DIAPH1: variants seen among roughly 807,000 people sequenced by gnomAD.
DIAPH1 encodes protein diaphanous homolog 1.
Under a neutral mutation model 140.7 loss-of-function variants are expected in DIAPH1, and 46 were observed. The ratio of observed to expected loss-of-function variants is 0.33; its 90% CI spans 0.26 to 0.42. The LOEUF is 0.42. DIAPH1 is among the 10% of genes least tolerant of loss of function. The probability of loss-of-function intolerance (pLI) is 1.00; values close to 1 mark genes in which losing one functional copy is unlikely to be tolerated. For missense variants in DIAPH1, 1,310 were observed against 1,558.7 expected (o/e 0.84, Z 2.69); for synonymous variants, 565 against 551.6 (o/e 1.02, Z -0.34).
intron 1 of DIAPH1, among the ~76,000 whole-genome samples, chr5:141,599,742 T>G (rs1347659095): frequency 6.6e-6 from 1 of 152,206 alleles, no homozygotes; most frequent in Non-Finnish European, 1.5e-5. Flanking sequence ...ATGTTTAATG[T>G]GATAGGTGGA....
Position 141,521,426 on chromosome 5 carries a change from C to G in DIAPH1, c.3661+2717G>C, listed in dbSNP as rs78329967. On this transcript the variant is annotated intron_variant, in intron 27 of 27. Transcript: ENST00000389054. ...CAATCACATGGATTCTTCCCCTTGA[C>G]ACTCCAACCATTGTTCTCCCACACC... Among the ~76,000 whole-genome samples the G allele has an allele frequency of 3.8e-3, 585 of 152,292 alleles. 3 individuals carry two copies. Among genetic ancestry groups the G allele is most frequent in the African/African-American group, 0.013 (529 of 41,560 alleles).
rs2099887600 is a variant in DIAPH1 at position 141,527,723 on chromosome 5, C to CAGA, written c.3149-27_3149-26insTCT. ...CTAAAAAAAAAAAAAAAAAAAAAAACCATAAAAACAGACAGCAAGAGCTTA... is the reference window on the plus strand; with the variant it reads ...CTAAAAAAAAAAAAAAAAAAAAAAACAGACATAAAAACAGACAGCAAGAGCTTA... On this transcript the variant is annotated intron_variant, in intron 23 of 27. Coordinates refer to ENST00000389054, the MANE Select transcript of DIAPH1 (RefSeq NM_005219.5). 13 of 1,203,274 alleles carry CAGA rather than the reference C, an allele frequency of 1.1e-5. No homozygotes were observed. The South Asian group carries it at 1.8e-4, about 16-fold the overall frequency. The allele number at this position is 1,203,274 out of a possible 1,614,324, so 74.5% of individuals were successfully genotyped here. A position where few individuals can be genotyped will look rare whatever the true frequency, so the allele number is the denominator to read the frequency against.
intron 18 of DIAPH1, among the ~76,000 whole-genome samples, chr5:141,547,208 G>C (rs774797934): frequency 6.6e-6 from 1 of 152,212 alleles, no homozygotes; most frequent in South Asian, 2.1e-4. Context: ...AGCCAGGCGC[G>C]GTAATCCCGC....
chr5:141,582,369 G>A lies in DIAPH1; in HGVS notation c.627C>T (p.Tyr209=), dbSNP rs369494682. 95 of 1,611,160 alleles carry A rather than the reference G, an allele frequency of 5.9e-5. No homozygotes were observed. The highest frequency in any genetic ancestry group is 7.0e-5 in the Non-Finnish European group (83 of 1,177,512). The part of the protein sequence containing the change: ...HDEKEETAGS[Y]DSRNKHEIIR... Reference sequence around the variant, plus strand: ...TGATCTCATGCTTGTTCCGGCTATCGTAACTCCTGTATATAGAAGACATAA... The same window carrying A: ...TGATCTCATGCTTGTTCCGGCTATCATAACTCCTGTATATAGAAGACATAA... The change falls in exon 7 of 28, where the codon TAC becomes TAT. Residue 209 remains tyrosine, a synonymous_variant. Transcript: ENST00000389054.
intron 15 of DIAPH1, among the ~76,000 whole-genome samples, chr5:141,574,545 A>G (rs575556201): frequency 6.6e-6 from 1 of 152,372 alleles, no homozygotes; most frequent in South Asian, 2.1e-4. Flanking sequence ...AGATGATTAT[A>G]TAACCACATA....
At chr5:141,533,495 A>G (rs2154595099) in intron 19 of DIAPH1, among the ~76,000 whole-genome samples, 1 of 152,322 alleles carries the variant, frequency 6.6e-6, no homozygotes, top group Admixed American at 6.5e-5. Context: ...TACCTTAGTT[A>G]TTTTAAATCA....
chr5:141,542,693 G>A (rs776060723), intron 18 of DIAPH1, among the ~76,000 whole-genome samples: 1 of 152,168 alleles, frequency 6.6e-6, no homozygotes, highest in South Asian at 2.1e-4. Context: ...AGGAGCTAAA[G>A]GGATGGAGGA....
chr5:141,579,840 C>T (rs987957037), intron 8 of DIAPH1, among the ~76,000 whole-genome samples: 11 of 151,254 alleles, frequency 7.3e-5, no homozygotes, highest in African/African-American at 2.4e-4. Context: ...CCCAGCTACT[C>T]GGGAGGCTGA....
rs370731986 is a variant in DIAPH1 at position 141,583,240 on chromosome 5, T to G, written c.586A>C (p.Lys196Gln). ...TCTTCTTTCTCATCATGAAGTCGTT[T>G]AAGAATGTCCAATAAGGAGGCCAAG... ...EGLASLLDIL[K>Q]RLHDEKEETA... is the part of the protein sequence containing the mutation. The change falls in exon 6 of 28, where the codon AAA becomes CAA. Residue 196 changes from lysine (K) to glutamine (Q), a missense_variant. Lys to Gln is a moderately conservative substitution (Grantham distance 53, BLOSUM62 1). Around this residue, in one of 3 missense-constraint regions of DIAPH1, gnomAD observed 377 missense variants for 497.1 expected, o/e 0.76. Transcript: ENST00000389054. The G allele has an allele frequency of 6.2e-7, 1 of 1,614,106 alleles. No homozygotes were observed. The highest frequency in any genetic ancestry group is 1.3e-5 in the African/African-American group (1 of 74,940).
chr5:141,548,539 G>A (rs2099891181), intron 18 of DIAPH1, among the ~76,000 whole-genome samples: 3 of 152,162 alleles, frequency 2.0e-5, no homozygotes, highest in Admixed American at 2.0e-4. Flanking sequence ...AGCACCTACA[G>A]AATCAAACTG....
At chr5:141,539,749 CTTTATT>C (rs2099889678) in intron 18 of DIAPH1, among the ~76,000 whole-genome samples, 1 of 152,026 alleles carries the variant, frequency 6.6e-6, no homozygotes, top group African/African-American at 2.4e-5. Context: ...TTGTAATCCT[CTTTATT>C]TTATTTCTGG....
intron 1 of DIAPH1, among the ~76,000 whole-genome samples, chr5:141,602,277 C>G (rs575697507): frequency 2.0e-5 from 3 of 152,066 alleles, no homozygotes. Context: ...AGTGCAGTGG[C>G]GCAATCTTGG....
At chr5:141,571,177 C>A (rs2099895127) in intron 18 of DIAPH1, among the ~76,000 whole-genome samples, 1 of 152,104 alleles carries the variant, frequency 6.6e-6, no homozygotes, top group Admixed American at 6.5e-5. Flanking sequence ...TTACGTTGTC[C>A]CTCACCTTCT....
chr5:141,569,672 G>A (rs549088093), intron 18 of DIAPH1, among the ~76,000 whole-genome samples: 1 of 152,216 alleles, frequency 6.6e-6, no homozygotes, highest in African/African-American at 2.4e-5. Context: ...TGAGGCAGGA[G>A]AATCCCTTGA....
intron 1 of DIAPH1, among the ~76,000 whole-genome samples, chr5:141,602,812 A>G (rs2099900366): frequency 6.6e-6 from 1 of 152,230 alleles, no homozygotes; most frequent in Admixed American, 6.5e-5. Flanking sequence ...CTTTAAATGC[A>G]CAGAAGAACT....
At chr5:141,618,082 C>A (rs1054653036) in intron 1 of DIAPH1, among the ~76,000 whole-genome samples, 1 of 152,204 alleles carries the variant, frequency 6.6e-6, no homozygotes, top group Admixed American at 6.5e-5. Flanking sequence ...GAGTTCTAAT[C>A]CTCTGAAAAG....
chr5:141,614,760 C>CTG (rs2099902398), intron 1 of DIAPH1, among the ~76,000 whole-genome samples: 1 of 151,978 alleles, frequency 6.6e-6, no homozygotes, highest in Non-Finnish European at 1.5e-5. Flanking sequence ...ACTAACGTTC[C>CTG]TGTAGGCTCC....
chr5:141,554,873 G>A (rs1392839107), intron 18 of DIAPH1, among the ~76,000 whole-genome samples: 1 of 151,956 alleles, frequency 6.6e-6, no homozygotes, highest in Non-Finnish European at 1.5e-5. Flanking sequence ...TAGCATATTA[G>A]AAATCGAAGA....
intron 22 of DIAPH1, 40 bp from the exon 23 acceptor site, chr5:141,528,622 C>T (rs996764181): frequency 6.2e-7 from 1 of 1,614,216 alleles, no homozygotes; most frequent in Non-Finnish European, 8.5e-7. Flanking sequence ...CTGACATGTC[C>T]AAGATGGCCT....
Sources: allele counts gnomAD v4.1 joint callset (sites outside exome capture counted in the v4.1 genomes callset), GRCh38; gene constraint gnomAD v4.1.1; regional missense constraint gnomAD v4.1.1; transcripts MANE v1.5; gene names NCBI Gene and HGNC (gene_info 2026-07-23, HGNC 2026-07-21).